Variants in CCDC73 observed in about 807,000 individuals in gnomAD.
CCDC73 encodes the protein coiled-coil domain containing 73, also known as coiled-coil domain-containing protein 73.
CCDC73 carries 95 observed loss-of-function variants against 116.5 expected under a neutral mutation model. That is an observed-to-expected ratio of 0.82 (90% CI 0.69 to 0.97). CCDC73 has a LOEUF of 0.97. Among genes scored for constraint, CCDC73 ranks in the 50% least tolerant of loss-of-function variants. The pLI, the probability that CCDC73 is intolerant of heterozygous loss-of-function variation, is 0.00. For synonymous variants in CCDC73, 398 were observed against 401.3 expected (o/e 0.99, Z 0.10); for missense variants, 1,066 against 1,206.8 (o/e 0.88, Z 1.73).
At chr11:32,662,092 C>T (rs1298071220) in intron 9 of CCDC73, among the ~76,000 whole-genome samples, 2 of 152,216 alleles carry the variant, frequency 1.3e-5, no homozygotes, top group Non-Finnish European at 2.9e-5. Context: ...CGTGGTTGGA[C>T]ATTTGGGTTG....
the CCDC73 span, among the ~76,000 whole-genome samples, chr11:32,806,149 AATATGTGT>A: frequency 6.6e-6 from 1 of 152,246 alleles, no homozygotes. Flanking sequence ...CTTCCTGACT[AATATGTGT>A]ATAATCTTTG....
chr11:32,747,003 G>C (rs1850245049), intron 2 of CCDC73, among the ~76,000 whole-genome samples: 1 of 152,158 alleles, frequency 6.6e-6, no homozygotes, highest in South Asian at 2.1e-4. Context: ...AGGAGAAGAG[G>C]CATTCTGGTT....
chr11:32,646,926 A>G (rs752438205), intron 12 of CCDC73, among the ~76,000 whole-genome samples: 25 of 152,182 alleles, frequency 1.6e-4, no homozygotes, highest in Non-Finnish European at 2.5e-4. Context: ...GTCTGCTAAT[A>G]TATTTATCTA....
Position 32,702,627 on chromosome 11 carries a change from T to A in CCDC73, c.279+246A>T, listed in dbSNP as rs966358872. ...ATTCACCTAAATTATTCAGGACAGA[T>A]GAAAATATATTTCCATCTCCAAGAA... On this transcript the variant is annotated intron_variant, in intron 4 of 17. Coordinates refer to ENST00000335185, the MANE Select transcript of CCDC73 (RefSeq NM_001008391.4). 2.0e-5 allele frequency among the ~76,000 whole-genome samples: 3 copies of A among 152,222 alleles called. No homozygotes were observed. In the South Asian group the frequency reaches 6.2e-4, roughly 31 times the overall value.
At chr11:32,804,887 G>A in the CCDC73 span, among the ~76,000 whole-genome samples, 1 of 152,130 alleles carries the variant, frequency 6.6e-6, no homozygotes, top group East Asian at 1.9e-4. Flanking sequence ...TGTAGTGAAT[G>A]TTCATCCTCT....
chr11:32,645,275 TTTTC>T (rs1346570806), intron 12 of CCDC73, among the ~76,000 whole-genome samples: 1 of 112,216 alleles, frequency 8.9e-6, no homozygotes, highest in African/African-American at 3.4e-5. Flanking sequence ...GTTAACTTTT[TTTTC>T]TTTTTCTTTT....
intron 2 of CCDC73, among the ~76,000 whole-genome samples, chr11:32,744,555 G>A (rs1850217681): frequency 6.6e-6 from 1 of 152,132 alleles, no homozygotes; most frequent in Non-Finnish European, 1.5e-5. Flanking sequence ...TCTTTGGTTG[G>A]TAGTCCATTA....
At chr11:32,681,167 A>C (rs903187032) in intron 7 of CCDC73, 2 of 152,056 alleles carry the variant, frequency 1.3e-5, no homozygotes, top group African/African-American at 4.8e-5. Flanking sequence ...GGAAAATGAT[A>C]TACAGAAGAG....
At chr11:32,616,296 C>T (rs1290097818) in intron 14 of CCDC73, among the ~76,000 whole-genome samples, 167 bp from the exon 15 acceptor site, 3 of 152,098 alleles carry the variant, frequency 2.0e-5, no homozygotes, top group African/African-American at 4.8e-5. Context: ...CTCTTTATAA[C>T]GATATCACTT....
At chr11:32,698,028 T>TGAGACGGAG (rs1849772316) in intron 6 of CCDC73, among the ~76,000 whole-genome samples, 1 of 118,214 alleles carries the variant, frequency 8.5e-6, no homozygotes, top group Non-Finnish European at 1.9e-5. Flanking sequence ...TTTTTTTTTT[T>TGAGACGGAG]TTTTTTTTTT....
At chr11:32,658,736 C>A (rs2133267462) in intron 9 of CCDC73, among the ~76,000 whole-genome samples, 1 of 151,840 alleles carries the variant, frequency 6.6e-6, no homozygotes, top group South Asian at 2.1e-4. Flanking sequence ...TGATGAGTGT[C>A]TATAGTATTG....
At chr11:32,675,240 T>C (rs116690023) in intron 9 of CCDC73, among the ~76,000 whole-genome samples, 2,073 of 152,316 alleles carry the variant, frequency 0.014, 55 homozygotes, top group African/African-American at 0.047. Flanking sequence ...TAGTGCCACA[T>C]AGCACCCAGT....
At chr11:32,787,951 G>C (rs1366569616) in intron 1 of CCDC73, among the ~76,000 whole-genome samples, 1 of 152,064 alleles carries the variant, frequency 6.6e-6, no homozygotes, top group Non-Finnish European at 1.5e-5. Flanking sequence ...GTAAAGAACT[G>C]AAAGATCTTT....
intron 6 of CCDC73, among the ~76,000 whole-genome samples, chr11:32,697,378 AT>A (rs1856320951): frequency 2.0e-5 from 3 of 151,848 alleles, no homozygotes; most frequent in Non-Finnish European, 4.4e-5. Context: ...ATATTCAAAT[AT>A]CCCAATTGTC....
chr11:32,759,369 C>T (rs929727435), intron 2 of CCDC73, among the ~76,000 whole-genome samples: 1 of 141,584 alleles, frequency 7.1e-6, no homozygotes, highest in African/African-American at 2.7e-5. Flanking sequence ...CTTGCTCCGT[C>T]ACCCAGGCTG....
At chr11:32,677,825 G>A (rs1237889768) in intron 7 of CCDC73, among the ~76,000 whole-genome samples, 3 of 151,422 alleles carry the variant, frequency 2.0e-5, no homozygotes, top group Non-Finnish European at 4.4e-5. Flanking sequence ...GGTGATGCGC[G>A]CCTGTAATCC....
At chr11:32,765,933 G>A (rs1197792790) in intron 1 of CCDC73, among the ~76,000 whole-genome samples, 1 of 152,226 alleles carries the variant, frequency 6.6e-6, no homozygotes, top group Non-Finnish European at 1.5e-5. Flanking sequence ...TAGAAAGAGA[G>A]AGAATCCTCC....
intron 14 of CCDC73, among the ~76,000 whole-genome samples, chr11:32,632,387 G>A (rs572769714): frequency 9.2e-5 from 14 of 152,194 alleles, no homozygotes; most frequent in African/African-American, 3.1e-4. Context: ...CACCATGCCC[G>A]GATAATTTTT....
chr11:32,828,366 C>T, the CCDC73 span, among the ~76,000 whole-genome samples: 145 of 151,898 alleles, frequency 9.5e-4, 1 homozygote, highest in African/African-American at 3.5e-3. Flanking sequence ...AAAAATTAGC[C>T]GGGCGTGGTG....
Sources: allele counts gnomAD v4.1 joint callset (sites outside exome capture counted in the v4.1 genomes callset), GRCh38; gene constraint gnomAD v4.1.1; transcripts MANE v1.5; gene names NCBI Gene and HGNC (gene_info 2026-07-23, HGNC 2026-07-21).